Variants in PTPRD observed in about 807,000 individuals in gnomAD.
The protein encoded by PTPRD is protein tyrosine phosphatase receptor type D.
A neutral mutation model predicts 214.5 loss-of-function variants in PTPRD; 34 were observed. That is an observed-to-expected ratio of 0.16 (90% CI 0.12 to 0.21). PTPRD has a LOEUF of 0.21. Ranked by LOEUF, PTPRD falls within the 10% of genes least tolerant of loss-of-function variation. The pLI is 1.00. For missense variants in PTPRD, 2,545 were observed against 2,398.7 expected (o/e 1.06, Z -1.27); for synonymous variants, 1,128 against 845.7 (o/e 1.33, Z -5.79).
At chr9:9,012,222 G>C (rs2099514755) in intron 11 of PTPRD, among the ~76,000 whole-genome samples, 1 of 152,152 alleles carries the variant, frequency 6.6e-6, no homozygotes, top group African/African-American at 2.4e-5. Context: ...AAACTTGGAA[G>C]AGAATCCATC....
intron 3 of PTPRD, among the ~76,000 whole-genome samples, chr9:10,241,974 G>C (rs565983537): frequency 3.1e-4 from 47 of 152,028 alleles, no homozygotes; most frequent in African/African-American, 1.1e-3. Context: ...GACTGACCTT[G>C]TTAAAAGTTA....
intron 3 of PTPRD, among the ~76,000 whole-genome samples, chr9:10,145,391 T>G (rs1056028527): frequency 6.6e-5 from 10 of 152,270 alleles, no homozygotes; most frequent in Admixed American, 2.6e-4. Flanking sequence ...CTCCTCAGCC[T>G]AAACAATGTG....
At chr9:9,440,793 G>T (rs1422090446) in intron 8 of PTPRD, among the ~76,000 whole-genome samples, 3 of 152,052 alleles carry the variant, frequency 2.0e-5, no homozygotes, top group East Asian at 1.9e-4. Flanking sequence ...TGTTTCAATC[G>T]CAATAATATG....
chr9:8,765,500 G>A (rs753804006), intron 11 of PTPRD, among the ~76,000 whole-genome samples: 2 of 152,170 alleles, frequency 1.3e-5, no homozygotes, highest in African/African-American at 2.4e-5. Flanking sequence ...ATGTGAATAA[G>A]GTTAGAAGCG....
At chr9:8,989,114 T>G (rs1473065785) in intron 11 of PTPRD, among the ~76,000 whole-genome samples, 2 of 152,068 alleles carry the variant, frequency 1.3e-5, no homozygotes, top group Non-Finnish European at 2.9e-5. Flanking sequence ...TATATATTTT[T>G]GGGGGGCACA....
At chr9:9,813,546 T>A (rs891472098) in intron 5 of PTPRD, among the ~76,000 whole-genome samples, 12 of 152,026 alleles carry the variant, frequency 7.9e-5, no homozygotes, top group African/African-American at 2.7e-4. Context: ...AAGTAGCATA[T>A]AGCCTACTAG....
At chr9:8,711,063 C>A (rs920139560) in intron 12 of PTPRD, among the ~76,000 whole-genome samples, 1 of 151,946 alleles carries the variant, frequency 6.6e-6, no homozygotes, top group African/African-American at 2.4e-5. Flanking sequence ...TCCAAAATGT[C>A]CAATTTATAG....
At chr9:9,384,175 T>A (rs892687848) in intron 9 of PTPRD, among the ~76,000 whole-genome samples, 1 of 151,740 alleles carries the variant, frequency 6.6e-6, no homozygotes, top group Non-Finnish European at 1.5e-5. Flanking sequence ...TATCTCAGTG[T>A]GTTACTTACA....
intron 2 of PTPRD, among the ~76,000 whole-genome samples, chr9:10,353,981 CAT>C (rs553971826): frequency 1.5e-3 from 233 of 152,078 alleles, no homozygotes; most frequent in South Asian, 0.012. Flanking sequence ...ATAAGAAAGA[CAT>C]AAAGAATAAT....
rs183312169 is a variant in PTPRD, at chr9:9,920,713, G to A, written c.-368+17794C>T. ...GAAGGAGTTAAGCCTCTTTAGAAAG[G>A]AGGGCTATAGCCTGTCGATAACTAA... On this transcript the variant is annotated intron_variant, in intron 5 of 45. Transcript: ENST00000381196. Among the ~76,000 whole-genome samples, 96 of 152,234 alleles carry A rather than the reference G, an allele frequency of 6.3e-4. 1 individual carries two copies. Among genetic ancestry groups the A allele is most frequent in the Non-Finnish European group, 1.2e-3 (81 of 67,988 alleles).
chr9:8,345,729 G>A (rs1310818698), intron 39 of PTPRD, among the ~76,000 whole-genome samples: 3 of 152,084 alleles, frequency 2.0e-5, no homozygotes, highest in Non-Finnish European at 4.4e-5. Flanking sequence ...TACCACGTTT[G>A]AAATCGAAAT....
intron 44 of PTPRD, among the ~76,000 whole-genome samples, chr9:8,328,092 G>C (rs1438039472): frequency 6.6e-6 from 1 of 152,140 alleles, no homozygotes; most frequent in Admixed American, 6.5e-5. Context: ...ACTATTAATT[G>C]ATGCAGTTTC....
At chr9:8,485,507 T>A (rs529263749) in intron 28 of PTPRD, 183 bp from the exon 29 acceptor site, 88 of 620,362 alleles carry the variant, frequency 1.4e-4, no homozygotes, top group Non-Finnish European at 2.2e-4. Context: ...ATCTTTCCTT[T>A]CTCTCCAATT....
intron 3 of PTPRD, among the ~76,000 whole-genome samples, chr9:10,134,786 T>G (rs1226749907): frequency 6.6e-6 from 1 of 152,062 alleles, no homozygotes; most frequent in Non-Finnish European, 1.5e-5. Flanking sequence ...GAAGAATTAG[T>G]ACATTAACTA....
At chr9:8,700,846 A>T (rs1454289974) in intron 12 of PTPRD, 2 of 152,238 alleles carry the variant, frequency 1.3e-5, no homozygotes, top group African/African-American at 4.8e-5. Flanking sequence ...CCAACAATTT[A>T]AATTAAAAAG....
rs146101320 is a variant in PTPRD at position 9,130,901 on chromosome 9, G to A, written c.-143+52403C>T. Among the ~76,000 whole-genome samples, 245 of 152,228 alleles carry A rather than the reference G, an allele frequency of 1.6e-3. 1 individual carries two copies. Among genetic ancestry groups the A allele is most frequent in the African/African-American group, 5.6e-3 (233 of 41,540 alleles). ...TTACGAATCAAATGTCCATTTAAAA[G>A]CCGTTGTTTTTAATGGATCCTATGA... is the stretch of plus-strand genomic sequence containing the variant. On this transcript the variant is annotated intron_variant, in intron 10 of 45. Coordinates refer to ENST00000381196, the MANE Select transcript of PTPRD (RefSeq NM_002839.4).
chr9:9,701,635 C>A lies in PTPRD; in HGVS notation c.-287+32898G>T, dbSNP rs554048925. Among the ~76,000 whole-genome samples the A allele has an allele frequency of 1.2e-4, 18 of 152,220 alleles. No individual in the cohort carries two copies. The South Asian group carries it at 3.3e-3, about 28-fold the overall frequency. ...CAAATGGGAGATACATATGAAAGAC[C>A]TTGCAGAGGAAAATAGACAGTACTT... On this transcript the variant is annotated intron_variant, in intron 7 of 45. Transcript: ENST00000381196.
At position 10,143,002 on chromosome 9, in the gene PTPRD, T is replaced by C. The variant is rs150434886; in HGVS notation, c.-544-109212A>G. On this transcript the variant is annotated intron_variant, in intron 3 of 45. Coordinates refer to ENST00000381196, the MANE Select transcript of PTPRD (RefSeq NM_002839.4). ...GACATGGATGAAATTGAAATCATCATTCTCAGTAAACTATCACAAGGACAA... is the reference window on the plus strand; with the variant it reads ...GACATGGATGAAATTGAAATCATCACTCTCAGTAAACTATCACAAGGACAA... 8.5e-3 allele frequency among the ~76,000 whole-genome samples: 1,291 copies of C among 151,798 alleles called. 24 individuals carry two copies. The highest frequency in any genetic ancestry group is 0.03 in the African/African-American group (1,231 of 41,434).
intron 3 of PTPRD, among the ~76,000 whole-genome samples, chr9:10,113,864 C>A (rs1482171682): frequency 6.6e-6 from 1 of 152,116 alleles, no homozygotes; most frequent in Non-Finnish European, 1.5e-5. Context: ...TTTTGATTAG[C>A]AAGAATCTGG....
Sources: gnomAD v4.1 joint callset for allele counts (sites outside exome capture counted in the v4.1 genomes callset) on GRCh38, gnomAD v4.1.1 for gene constraint, MANE v1.5 for transcripts, NCBI Gene and HGNC (gene_info 2026-07-23, HGNC 2026-07-21) for gene names.